Variants in WDFY3 observed in about 807,000 individuals in gnomAD.
WDFY3 encodes WD repeat and FYVE domain-containing protein 3.
In WDFY3, 66 loss-of-function variants were observed where a neutral mutation model predicts 409.6. The ratio of observed to expected loss-of-function variants is 0.16; its 90% CI spans 0.13 to 0.20. The LOEUF is 0.20. WDFY3 is among the 10% of genes least tolerant of loss of function. The probability of loss-of-function intolerance (pLI) is 1.00; values close to 1 mark genes in which losing one functional copy is unlikely to be tolerated. For missense variants in WDFY3, 3,031 were observed against 4,298.1 expected, an observed-to-expected ratio of 0.71 and a Z score of 8.24; for synonymous variants, 1,521 against 1,537.1, an observed-to-expected ratio of 0.99 and a Z score of 0.25.
intron 3 of WDFY3, among the ~76,000 whole-genome samples, chr4:84,874,801 C>T (rs796348779): frequency 2.6e-5 from 4 of 152,164 alleles, no homozygotes; most frequent in African/African-American, 9.6e-5. Flanking sequence ...GGGATACACT[C>T]GAGAAGTGCA....
chr4:84,831,067 A>C (rs1755639896), intron 8 of WDFY3, among the ~76,000 whole-genome samples: 1 of 151,664 alleles, frequency 6.6e-6, no homozygotes, highest in Admixed American at 6.6e-5. Flanking sequence ...TGCACCTGTA[A>C]TCCCAGCTAC....
At chr4:84,815,454 T>C (rs1047228143) in intron 13 of WDFY3, among the ~76,000 whole-genome samples, 1 of 152,194 alleles carries the variant, frequency 6.6e-6, no homozygotes, top group Non-Finnish European at 1.5e-5. Flanking sequence ...ACAGACCTTG[T>C]GTTTTTTCCA....
intron 13 of WDFY3, among the ~76,000 whole-genome samples, chr4:84,811,349 C>A (rs1344149822): frequency 1.3e-5 from 2 of 152,152 alleles, no homozygotes; most frequent in Non-Finnish European, 2.9e-5. Context: ...TTTTATCAGG[C>A]ACTTGCTATG....
chr4:84,794,663 G>C lies in WDFY3; in HGVS notation c.3343C>G (p.Pro1115Ala). Residue 1115 changes from proline (P) to alanine (A), a missense_variant, in exon 21 of 68, where the codon CCA becomes GCA. Pro to Ala is a conservative substitution (Grantham distance 27, BLOSUM62 -1). This residue lies in a region of WDFY3 where 1,322 missense variants were observed against 1,697.9 expected (regional missense o/e 0.78). Transcript: ENST00000295888. Reference sequence around the variant, plus strand: ...AGAAGTCTGACAGGGTGGTTATTTGGAGGAGAACTAAAATGTTCAATACAA... The same window carrying C: ...AGAAGTCTGACAGGGTGGTTATTTGCAGGAGAACTAAAATGTTCAATACAA... ...WFCIEHFSSPPNNHPVRLLTV... is the reference protein window; with the variant it reads ...WFCIEHFSSPANNHPVRLLTV... 6.2e-7 allele frequency: 1 copy of C among 1,613,970 alleles called. No individual in the cohort carries two copies. Among genetic ancestry groups the C allele is most frequent in the Non-Finnish European group, 8.5e-7 (1 of 1,179,984 alleles).
At chr4:84,963,618 G>A (rs1003716927) in intron 1 of WDFY3, among the ~76,000 whole-genome samples, 4 of 152,230 alleles carry the variant, frequency 2.6e-5, no homozygotes, top group African/African-American at 9.6e-5. Context: ...GGGGTCCAGG[G>A]CTCTAAAATC....
At chr4:84,913,268 C>G (rs187692841) in intron 2 of WDFY3, among the ~76,000 whole-genome samples, 3 of 152,170 alleles carry the variant, frequency 2.0e-5, no homozygotes, top group African/African-American at 7.2e-5. Context: ...TCATGAAAGT[C>G]TAGAAAAATG....
At chr4:84,829,642 A>G (rs1024278602) in intron 8 of WDFY3, among the ~76,000 whole-genome samples, 5 of 151,884 alleles carry the variant, frequency 3.3e-5, no homozygotes, top group Non-Finnish European at 7.4e-5. Context: ...CCCTGTCTCT[A>G]CTAAAAATAC....
At chr4:84,705,228 A>G (rs1731732494) in intron 54 of WDFY3, among the ~76,000 whole-genome samples, 166 bp downstream of exon 54, 1 of 152,202 alleles carries the variant, frequency 6.6e-6, no homozygotes, top group Non-Finnish European at 1.5e-5. Flanking sequence ...TGGCATGCAA[A>G]CCTGATTCCT....
At chr4:84,864,840 C>T (rs1402361142) in intron 3 of WDFY3, among the ~76,000 whole-genome samples, 1 of 152,118 alleles carries the variant, frequency 6.6e-6, no homozygotes, top group East Asian at 1.9e-4. Context: ...CATCAGGTAA[C>T]AATCAGAATG....
In WDFY3 at chr4:84,784,891, T is replaced by TATACACAC. The variant is rs1238884117; in HGVS notation, c.4062+1087_4062+1088insGTGTGTAT. On this transcript the variant is annotated intron_variant, in intron 24 of 67. Transcript: ENST00000295888. Reference sequence around the variant, plus strand: ...ATATATATATATATATATATATATATACACACACACACACACACACACACA... The same window carrying TATACACAC: ...ATATATATATATATATATATATATATATACACACACACACACACACACACACACACACA... Among the ~76,000 whole-genome samples, 66 of 36,924 alleles carry TATACACAC rather than the reference T, an allele frequency of 1.8e-3. 1 individual carries two copies. Among genetic ancestry groups the TATACACAC allele is most frequent in the African/African-American group, 4.7e-3 (61 of 13,072 alleles). 24.2% of individuals were successfully genotyped at this position (36,924 alleles called of 152,430 possible). A position where few individuals can be genotyped will look rare whatever the true frequency, so the allele number is the denominator to read the frequency against.
At chr4:84,726,714 T>C in intron 45 of WDFY3, 147 bp downstream of exon 45, 1 of 631,036 alleles carries the variant, frequency 1.6e-6, no homozygotes, top group East Asian at 2.9e-5. Context: ...AAACCAACGG[T>C]TCAACTCTAA....
intron 21 of WDFY3, among the ~76,000 whole-genome samples, chr4:84,790,476 G>A (rs1036082229): frequency 2.0e-5 from 3 of 152,046 alleles, no homozygotes; most frequent in African/African-American, 7.2e-5. Flanking sequence ...AAGAAATATA[G>A]GTATAATCAC....
At position 84,769,712 on chromosome 4, in the gene WDFY3, G is replaced by A. The variant is rs182224768; in HGVS notation, c.4849+3123C>T. Among the ~76,000 whole-genome samples the A allele has an allele frequency of 4.2e-3, 634 of 152,206 alleles. 1 individual carries two copies. Among genetic ancestry groups the A allele is most frequent in the Middle Eastern group, 0.01 (3 of 294 alleles). Reference sequence around the variant, plus strand: ...GCTGGGATTACAGGCATGAGCCACCGCGCCCGGCCTGCTTTTATTATTTTT... The same window carrying A: ...GCTGGGATTACAGGCATGAGCCACCACGCCCGGCCTGCTTTTATTATTTTT... On this transcript the variant is annotated intron_variant, in intron 30 of 67. Coordinates refer to ENST00000295888, the MANE Select transcript of WDFY3 (RefSeq NM_014991.6).
intron 2 of WDFY3, among the ~76,000 whole-genome samples, chr4:84,911,549 T>C (rs1158733200): frequency 6.6e-6 from 1 of 152,162 alleles, no homozygotes; most frequent in Non-Finnish European, 1.5e-5. Flanking sequence ...GAAGAAGATA[T>C]ATACACTTGA....
chr4:84,780,104 A>G lies in WDFY3; in HGVS notation c.4365+4T>C. 6.3e-7 allele frequency: 1 copy of G among 1,580,426 alleles called. No homozygotes were observed. The highest frequency in any genetic ancestry group is 1.2e-5 in the South Asian group (1 of 84,480). On this transcript the variant is annotated splice_donor_region_variant and intron_variant, in intron 26 of 67. Transcript: ENST00000295888. ...AGTGAAGGCAAAGTTTTACAGTTAC[A>G]AACCTGGTAGCCCTTGATTCTTTCC...
chr4:84,891,835 T>C (rs920396632), intron 3 of WDFY3, among the ~76,000 whole-genome samples: 1 of 152,038 alleles, frequency 6.6e-6, no homozygotes, highest in Non-Finnish European at 1.5e-5. Context: ...GGCTCTAGAG[T>C]ATCTTAAGTG....
intron 5 of WDFY3, among the ~76,000 whole-genome samples, chr4:84,842,745 C>T (rs1050402518): frequency 1.3e-5 from 2 of 152,222 alleles, no homozygotes; most frequent in African/African-American, 2.4e-5. Context: ...CACACCACTG[C>T]ACTCCAGCCT....
At position 84,753,853 on chromosome 4, in the gene WDFY3, T is replaced by C. The variant is rs1210598918; in HGVS notation, c.5583A>G (p.Gly1861=). 2 of 1,597,306 alleles carry C rather than the reference T, an allele frequency of 1.3e-6. No individual in the cohort carries two copies. The highest frequency in any genetic ancestry group is 3.6e-5 in the Admixed American group (2 of 55,852). The part of the protein sequence containing the change: ...LTSPWQSEEE[G]SWLREYPVTL... ...TCACAGGATATTCTCGGAGCCAAGATCCCTCTTCTTCTGATTGCCAAGGCT... is the reference window on the plus strand; with the variant it reads ...TCACAGGATATTCTCGGAGCCAAGACCCCTCTTCTTCTGATTGCCAAGGCT... Residue 1861 remains glycine (G), a synonymous_variant, in exon 35 of 68, where the codon GGA becomes GGG. Coordinates refer to ENST00000295888, the MANE Select transcript of WDFY3 (RefSeq NM_014991.6).
In WDFY3 at chr4:84,796,718, A is replaced by G; in HGVS notation, c.2970T>C (p.Thr990=). Residue 990 remains threonine, a synonymous_variant, in exon 19 of 68, where the codon ACT becomes ACC. Transcript: ENST00000295888. ...SMITSLEGLG[T]DNVFSLHEDN... Reference sequence around the variant, plus strand: ...CTTCATGTAAGCTAAAAACATTATCAGTACCCAGACCTTCCAGAGATGTGA... The same window carrying G: ...CTTCATGTAAGCTAAAAACATTATCGGTACCCAGACCTTCCAGAGATGTGA... 6.2e-7 allele frequency: 1 copy of G among 1,614,146 alleles called. No homozygotes were observed. The highest frequency in any genetic ancestry group is 8.5e-7 in the Non-Finnish European group (1 of 1,179,994).
Sources: gnomAD v4.1 joint callset for allele counts (sites outside exome capture counted in the v4.1 genomes callset) on GRCh38, gnomAD v4.1.1 for gene constraint, gnomAD v4.1.1 regional missense constraint, MANE v1.5 for transcripts, NCBI Gene and HGNC (gene_info 2026-07-23, HGNC 2026-07-21) for gene names.